Variants in RANBP2 observed in about 807,000 individuals in gnomAD.
RANBP2 encodes the protein RAN binding protein 2, also known as E3 SUMO-protein ligase RanBP2.
RANBP2 carries 57 observed loss-of-function variants against 303.6 expected under a neutral mutation model. The ratio of observed to expected loss-of-function variants is 0.19; its 90% confidence interval spans 0.15 to 0.23. The LOEUF (loss-of-function observed/expected upper bound fraction) is 0.23, where lower values mean the gene tolerates loss of function less well. RANBP2 is among the 10% of genes least tolerant of loss of function. The pLI is 1.00. For synonymous variants in RANBP2, 1,167 were observed against 1,301.5 expected, an observed-to-expected ratio of 0.90 and a Z score of 2.23; for missense variants, 3,138 against 3,780.8, an observed-to-expected ratio of 0.83 and a Z score of 4.46.
chr2:109,614,119 A>C, the RANBP2 span: 1 of 1,207,062 alleles, frequency 8.3e-7, no homozygotes. Flanking sequence ...GGCGGGCTGA[A>C]GGAGAGCTGG....
rs771199260 is a variant in RANBP2, at chr2:108,763,923, T to G, written c.3384T>G (p.Ser1128Arg). 11 of 1,613,804 alleles carry G rather than the reference T, an allele frequency of 6.8e-6. No individual in the cohort carries two copies. The Admixed American group carries it at 1.7e-4, about 24-fold the overall frequency. Residue 1128 changes from serine (S) to arginine (R), a missense_variant, in exon 20 of 29, where the codon AGT (serine) becomes AGG (arginine). Physicochemically the swap from Ser to Arg is moderately radical, Grantham distance 110. Around this residue, in one of 20 missense-constraint regions of RANBP2, gnomAD observed 403 missense variants for 376.7 expected, o/e 1.07. Transcript: ENST00000283195. ...AAAAGAATTCTGGTTTTCGGCGAAG[T>G]GATGATATGTTTACTTTCCATGGTC... Reference protein sequence around the residue: ...SQQKNSGFRRSDDMFTFHGPG... With the variant: ...SQQKNSGFRRRDDMFTFHGPG...
At chr2:109,432,445 G>T in the RANBP2 span, 1 of 1,598,472 alleles carries the variant, frequency 6.3e-7, no homozygotes, top group Non-Finnish European at 8.5e-7. Flanking sequence ...AATGCCGGCC[G>T]GTCCCCTATC....
chr2:109,083,138 C>A, the RANBP2 span, among the ~76,000 whole-genome samples: 1 of 152,104 alleles, frequency 6.6e-6, no homozygotes, highest in Non-Finnish European at 1.5e-5. Flanking sequence ...GACCCCATCT[C>A]TTAAAGAAAA....
the RANBP2 span, among the ~76,000 whole-genome samples, chr2:108,993,778 G>A: frequency 6.6e-6 from 1 of 152,184 alleles, no homozygotes; most frequent in South Asian, 2.1e-4. Flanking sequence ...ACAAAAGCCT[G>A]GCTTTCCTTT....
the RANBP2 span, among the ~76,000 whole-genome samples, chr2:108,822,628 CT>C: frequency 6.6e-6 from 1 of 152,068 alleles, no homozygotes; most frequent in Non-Finnish European, 1.5e-5. Context: ...GAAGTGAAAC[CT>C]CAAACCAAGG....
At chr2:109,471,539 T>G in the RANBP2 span, among the ~76,000 whole-genome samples, 1 of 152,186 alleles carries the variant, frequency 6.6e-6, no homozygotes, top group Non-Finnish European at 1.5e-5. Context: ...AGATGAGATT[T>G]GAGTGGGGAC....
chr2:108,747,206 TAGAAGATATATAC>T (rs1057395442), intron 8 of RANBP2, among the ~76,000 whole-genome samples: 2 of 152,222 alleles, frequency 1.3e-5, no homozygotes, highest in African/African-American at 4.8e-5. Flanking sequence ...GGGAGGAAGA[TAGAAGATATATAC>T]TTACCTTATA....
chr2:109,715,423 G>A, the RANBP2 span, among the ~76,000 whole-genome samples: 9 of 152,234 alleles, frequency 5.9e-5, no homozygotes, highest in South Asian at 1.9e-3. Context: ...TTGCTAGAGT[G>A]GCTCACAGAA....
At chr2:108,908,503 G>A in the RANBP2 span, among the ~76,000 whole-genome samples, 1 of 152,310 alleles carries the variant, frequency 6.6e-6, no homozygotes, top group Admixed American at 6.5e-5. Context: ...GGAGCCTTGT[G>A]CCTGGAAAGC....
the RANBP2 span, among the ~76,000 whole-genome samples, chr2:109,307,886 G>A: frequency 1.6e-5 from 2 of 124,590 alleles, no homozygotes; most frequent in Non-Finnish European, 1.6e-5. Flanking sequence ...GTAAACATAC[G>A]TGTGCATGTG....
At chr2:109,711,814 G>A in the RANBP2 span, among the ~76,000 whole-genome samples, 1 of 152,140 alleles carries the variant, frequency 6.6e-6, no homozygotes, top group Admixed American at 6.6e-5. Flanking sequence ...TCTTCTGCAT[G>A]GCACTTAGCA....
At chr2:109,048,104 G>A in the RANBP2 span, among the ~76,000 whole-genome samples, 7 of 152,162 alleles carry the variant, frequency 4.6e-5, no homozygotes, top group African/African-American at 1.4e-4. Context: ...TCTAAACGTC[G>A]GATAATTTGC....
At chr2:109,499,127 G>A in the RANBP2 span, among the ~76,000 whole-genome samples, 1 of 152,286 alleles carries the variant, frequency 6.6e-6, no homozygotes, top group South Asian at 2.1e-4. Flanking sequence ...GGCCCAGAGT[G>A]GGCAGCCGCC....
At chr2:108,933,813 G>T in the RANBP2 span, among the ~76,000 whole-genome samples, 11 of 151,996 alleles carry the variant, frequency 7.2e-5, no homozygotes, top group East Asian at 3.9e-4. Flanking sequence ...CCCGTCAGGT[G>T]GGGGAGGGTT....
At chr2:109,227,278 A>G in the RANBP2 span, among the ~76,000 whole-genome samples, 1 of 152,184 alleles carries the variant, frequency 6.6e-6, no homozygotes, top group African/African-American at 2.4e-5. Context: ...CTGTAGCTAG[A>G]AGAAGCTCTG....
At chr2:109,189,993 T>C in the RANBP2 span, among the ~76,000 whole-genome samples, 1 of 152,222 alleles carries the variant, frequency 6.6e-6, no homozygotes. Flanking sequence ...GATCTGCTCG[T>C]GGTTTATCAT....
At chr2:109,633,703 A>C in the RANBP2 span, among the ~76,000 whole-genome samples, 1 of 152,168 alleles carries the variant, frequency 6.6e-6, no homozygotes, top group Non-Finnish European at 1.5e-5. Flanking sequence ...GATAAAACGG[A>C]AACCCAGATG....
At chr2:109,251,329 TAG>T in the RANBP2 span, 3 of 487,962 alleles carry the variant, frequency 6.1e-6, no homozygotes, top group Admixed American at 2.8e-5. Context: ...AACAAAGAAT[TAG>T]AGAGATGCAA....
intron 18 of RANBP2, among the ~76,000 whole-genome samples, chr2:108,761,377 T>C (rs2433788): frequency 4.6e-5 from 7 of 152,276 alleles, no homozygotes; most frequent in East Asian, 1.9e-4. Context: ...TCTGTTTCTT[T>C]TTCCATGTAC....
Sources: allele counts gnomAD v4.1 joint callset (sites outside exome capture counted in the v4.1 genomes callset), GRCh38; gene constraint gnomAD v4.1.1; regional missense constraint gnomAD v4.1.1; transcripts MANE v1.5; gene names NCBI Gene and HGNC (gene_info 2026-07-23, HGNC 2026-07-21).